Variants in SYT14 observed in about 807,000 individuals in gnomAD.
The protein encoded by SYT14 is synaptotagmin 14.
Under a neutral mutation model 74.2 loss-of-function variants are expected in SYT14, and 32 were observed. The observed-to-expected ratio is 0.43, with a 90% CI of 0.33 to 0.58. The LOEUF (loss-of-function observed/expected upper bound fraction) is 0.58. Among genes scored for constraint, SYT14 ranks in the 20% least tolerant of loss-of-function variants. The pLI is 0.05. For synonymous variants in SYT14, 298 were observed against 337.7 expected (o/e 0.88, Z 1.29); for missense variants, 791 against 981.8 (o/e 0.81, Z 2.60).
chr1:210,100,403 T>C (rs2082042536), exon 7 of SYT14: 1 of 1,613,556 alleles, frequency 6.2e-7, no homozygotes, highest in South Asian at 1.1e-5. Flanking sequence ...TTAACAAAAT[T>C]GAATCTTCAA....
intron 2 of SYT14, among the ~76,000 whole-genome samples, chr1:209,953,774 A>T (rs1012993831): frequency 3.9e-5 from 6 of 152,226 alleles, no homozygotes; most frequent in African/African-American, 1.4e-4. Context: ...CTGTTCATTT[A>T]AAATCTTCTT....
chr1:210,100,987 C>T (rs543193726), intron 7 of SYT14, among the ~76,000 whole-genome samples: 1 of 152,198 alleles, frequency 6.6e-6, no homozygotes, highest in African/African-American at 2.4e-5. Context: ...GACTTTCCAC[C>T]CTTTTTAAAC....
intron 2 of SYT14, among the ~76,000 whole-genome samples, chr1:210,000,910 G>C (rs2079889411): frequency 6.6e-6 from 1 of 151,988 alleles, no homozygotes. Flanking sequence ...ACTTGTTTCT[G>C]CGTGCCTCAT....
rs762088012 is a variant in SYT14, at chr1:210,021,272, A to AT, written c.1312+26dup. The stretch of plus-strand genomic sequence containing the variant: ...AGATGAAGGTAAGATGGGCTGTTTT[A>AT]TTTTTTTTACATGACACACTATAGT... On this transcript the variant is annotated intron_variant, in intron 5 of 9. Transcript: ENST00000637265. The AT allele has an allele frequency of 2.5e-5, 40 of 1,603,008 alleles. No homozygotes were observed. The highest frequency in any genetic ancestry group is 4.5e-5 in the East Asian group (2 of 44,770).
chr1:210,121,629 C>G (rs1052993606), intron 7 of SYT14, among the ~76,000 whole-genome samples: 2 of 151,822 alleles, frequency 1.3e-5, no homozygotes, highest in Non-Finnish European at 2.9e-5. Flanking sequence ...TCTGTCTCTA[C>G]TAAAAATACA....
intron 5 of SYT14, among the ~76,000 whole-genome samples, chr1:210,027,470 A>G (rs1367596847): frequency 2.0e-5 from 3 of 151,580 alleles, no homozygotes; most frequent in Non-Finnish European, 4.4e-5. Context: ...CATTAAGTGG[A>G]CATGGATTAT....
chr1:209,985,146 C>T (rs1460200751), intron 2 of SYT14, among the ~76,000 whole-genome samples: 3 of 152,130 alleles, frequency 2.0e-5, no homozygotes, highest in Non-Finnish European at 2.9e-5. Flanking sequence ...TAACTTGTTG[C>T]AACACTAAAA....
intron 1 of SYT14, among the ~76,000 whole-genome samples, chr1:209,944,022 C>G (rs1325931656): frequency 2.0e-5 from 3 of 152,086 alleles, no homozygotes; most frequent in Non-Finnish European, 4.4e-5. Context: ...ATATTCAGAA[C>G]AATTTCTTAT....
Position 210,024,421 on chromosome 1 carries a change from G to A in SYT14, c.1312+3167G>A, listed in dbSNP as rs367805353. ...TGGATTTAGGAACTGAATGTGTTTG[G>A]AACATTTGGAAGAAGAAAGGAAGCA... On this transcript the variant is annotated intron_variant, in intron 5 of 9. Transcript: ENST00000637265. 2.8e-4 allele frequency among the ~76,000 whole-genome samples: 42 copies of A among 152,288 alleles called. No individual in the cohort carries two copies. In the East Asian group the frequency reaches 4.2e-3, roughly 15 times the overall value.
chr1:210,169,209 T>C (rs1429418914), exon 10 of SYT14: 4 of 149,810 alleles, frequency 2.7e-5, no homozygotes, highest in Admixed American at 1.3e-4. Flanking sequence ...TTTTGGTTTT[T>C]ATGTTTTTGG....
chr1:210,021,937 C>A (rs2102956220), intron 5 of SYT14, among the ~76,000 whole-genome samples: 1 of 152,262 alleles, frequency 6.6e-6, no homozygotes, highest in South Asian at 2.1e-4. Context: ...GTTTTTACGT[C>A]TTTCTGTGAC....
At chr1:210,118,673 T>C (rs1308096661) in intron 7 of SYT14, among the ~76,000 whole-genome samples, 1 of 152,148 alleles carries the variant, frequency 6.6e-6, no homozygotes, top group East Asian at 1.9e-4. Flanking sequence ...GAGATGATGT[T>C]TCATCATGTT....
chr1:209,973,222 T>G (rs2079290541), intron 2 of SYT14, among the ~76,000 whole-genome samples: 1 of 152,186 alleles, frequency 6.6e-6, no homozygotes, highest in Admixed American at 6.5e-5. Context: ...ATTTTATTTT[T>G]TATTATACTT....
chr1:209,983,369 GC>G (rs1171306308), intron 2 of SYT14, among the ~76,000 whole-genome samples: 3 of 151,892 alleles, frequency 2.0e-5, no homozygotes, highest in Non-Finnish European at 2.9e-5. Flanking sequence ...TATCTCACAG[GC>G]CCTCATTATG....
chr1:209,987,780 T>TAAAGTATTGA (rs1304890809), intron 2 of SYT14, among the ~76,000 whole-genome samples: 2 of 152,244 alleles, frequency 1.3e-5, no homozygotes, highest in Non-Finnish European at 2.9e-5. Context: ...TTCAATACTT[T>TAAAGTATTGA]AAAGATAGTG....
At chr1:210,135,069 C>T (rs1001632178) in intron 7 of SYT14, among the ~76,000 whole-genome samples, 3 of 152,070 alleles carry the variant, frequency 2.0e-5, no homozygotes, top group Admixed American at 1.3e-4. Context: ...CAACCTCCAC[C>T]TCCCGGGTTG....
chr1:210,089,655 C>T lies in SYT14; in HGVS notation c.1313-4667C>T, dbSNP rs113577768. Among the ~76,000 whole-genome samples the T allele has an allele frequency of 5.6e-3, 847 of 152,186 alleles. 6 individuals carry two copies. The highest frequency in any genetic ancestry group is 0.02 in the African/African-American group (810 of 41,518). On this transcript the variant is annotated intron_variant, in intron 5 of 9. Transcript: ENST00000637265. ...GTATATTTTAATCTCTAGTTATTTT[C>T]GTTTAGATTTCTATACATTTTCTAG...
chr1:209,977,267 T>G (rs1338034468), intron 2 of SYT14, among the ~76,000 whole-genome samples: 3 of 152,220 alleles, frequency 2.0e-5, no homozygotes, highest in African/African-American at 7.2e-5. Context: ...AGCTGGTTAT[T>G]TTGCTCGTTA....
chr1:210,002,197 G>A (rs1020127355), intron 2 of SYT14, among the ~76,000 whole-genome samples: 1 of 152,016 alleles, frequency 6.6e-6, no homozygotes, highest in Non-Finnish European at 1.5e-5. Context: ...TTAAAAGCAA[G>A]CACCTATGTA....
Sources: gnomAD v4.1 joint callset for allele counts (sites outside exome capture counted in the v4.1 genomes callset) on GRCh38, gnomAD v4.1.1 for gene constraint, MANE v1.5 for transcripts, NCBI Gene and HGNC (gene_info 2026-07-23, HGNC 2026-07-21) for gene names.